Variants in PEX14 observed in about 807,000 individuals in gnomAD.
PEX14 encodes peroxisomal biogenesis factor 14.
PEX14 carries 15 observed loss-of-function variants against 49.5 expected under a neutral mutation model. The ratio of observed to expected loss-of-function variants is 0.30; its 90% CI spans 0.20 to 0.47. PEX14 has a LOEUF of 0.47. Among genes scored for constraint, PEX14 ranks in the 20% least tolerant of loss-of-function variants. PEX14 has a pLI of 1.00. For synonymous variants in PEX14, 210 were observed against 212.7 expected (o/e 0.99, Z 0.11); for missense variants, 398 against 494.8 (o/e 0.80, Z 1.86).
chr1:10,537,753 C>T (rs779277582), intron 3 of PEX14, among the ~76,000 whole-genome samples: 1 of 151,978 alleles, frequency 6.6e-6, no homozygotes, highest in South Asian at 2.1e-4. Flanking sequence ...GGTGTTTGCT[C>T]GGCACTTCCC....
chr1:10,482,014 G>A (rs545015754), intron 1 of PEX14, among the ~76,000 whole-genome samples: 149 of 150,880 alleles, frequency 9.9e-4, no homozygotes, highest in African/African-American at 3.5e-3. Context: ...TTGTAGAGAC[G>A]GGGTTTTGCC....
At chr1:10,508,668 A>AT (rs1641831815) in intron 2 of PEX14, among the ~76,000 whole-genome samples, 2 of 152,180 alleles carry the variant, frequency 1.3e-5, no homozygotes, top group African/African-American at 2.4e-5. Context: ...CCAGGAGGAG[A>AT]AAGGCTGGTT....
chr1:10,502,804 T>C (rs1037769182), intron 2 of PEX14, among the ~76,000 whole-genome samples: 3 of 150,800 alleles, frequency 2.0e-5, no homozygotes, highest in Non-Finnish European at 3.0e-5. Flanking sequence ...TTCTTTTTTT[T>C]TTTTTTTTTA....
chr1:10,570,634 G>GT (rs1280341761), intron 3 of PEX14, among the ~76,000 whole-genome samples: 1 of 151,974 alleles, frequency 6.6e-6, no homozygotes, highest in East Asian at 1.9e-4. Context: ...ACCTGGCTCT[G>GT]TTTTTTCATT....
intron 3 of PEX14, among the ~76,000 whole-genome samples, chr1:10,562,946 C>T (rs1485783627): frequency 6.9e-6 from 1 of 144,248 alleles, no homozygotes; most frequent in Non-Finnish European, 1.5e-5. Flanking sequence ...GAGTCTCTCT[C>T]TGTCGCCCAG....
At chr1:10,622,954 T>G in intron 5 of PEX14, 65 bp from the exon 6 acceptor site, 17 of 1,142,202 alleles carry the variant, frequency 1.5e-5, no homozygotes, top group Non-Finnish European at 2.0e-5. Flanking sequence ...CGGCAGAATT[T>G]GAGAGATTGT....
chr1:10,504,374 G>T (rs1159025918), intron 2 of PEX14, among the ~76,000 whole-genome samples: 1 of 152,230 alleles, frequency 6.6e-6, no homozygotes, highest in Non-Finnish European at 1.5e-5. Flanking sequence ...CTCCTTGACA[G>T]TCAGAGGCAG....
At chr1:10,536,593 TC>T (rs991646616) in intron 3 of PEX14, 1 of 406,424 alleles carries the variant, frequency 2.5e-6, no homozygotes, top group African/African-American at 2.0e-5. Context: ...GTGGAGGACT[TC>T]TGGTTTTTGG....
chr1:10,510,213 G>A (rs1353280345), intron 2 of PEX14, among the ~76,000 whole-genome samples: 2 of 152,220 alleles, frequency 1.3e-5, no homozygotes, highest in Non-Finnish European at 2.9e-5. Context: ...ATCCCTACAC[G>A]TGCTGCTGGT....
intron 3 of PEX14, among the ~76,000 whole-genome samples, chr1:10,544,709 C>A (rs1639116718): frequency 6.6e-6 from 1 of 152,066 alleles, no homozygotes; most frequent in Admixed American, 6.6e-5. Context: ...ACCCCCATAT[C>A]CTGGTTTGCA....
At chr1:10,614,125 G>C (rs1641346548) in intron 4 of PEX14, among the ~76,000 whole-genome samples, 1 of 152,306 alleles carries the variant, frequency 6.6e-6, no homozygotes, top group South Asian at 2.1e-4. Flanking sequence ...GAGCTAGTGT[G>C]GACTGTGCTA....
chr1:10,493,919 C>A (rs962497983), intron 1 of PEX14, among the ~76,000 whole-genome samples: 1 of 152,136 alleles, frequency 6.6e-6, no homozygotes, highest in Non-Finnish European at 1.5e-5. Flanking sequence ...CAGCTTAACT[C>A]CAAGAAGAGG....
intron 2 of PEX14, among the ~76,000 whole-genome samples, chr1:10,521,850 T>C (rs1032700789): frequency 5.3e-5 from 8 of 152,220 alleles, no homozygotes; most frequent in Non-Finnish European, 1.0e-4. Context: ...TCTAGGTAAT[T>C]CCTGGGAAAG....
At chr1:10,500,207 A>G (rs1641647709) in intron 2 of PEX14, among the ~76,000 whole-genome samples, 1 of 151,352 alleles carries the variant, frequency 6.6e-6, no homozygotes, top group South Asian at 2.1e-4. Context: ...GTTCGAGACT[A>G]GCCTGGCTAA....
intron 2 of PEX14, among the ~76,000 whole-genome samples, chr1:10,525,731 T>C (rs1007518582): frequency 6.6e-6 from 1 of 151,998 alleles, no homozygotes; most frequent in Non-Finnish European, 1.5e-5. Flanking sequence ...GTTCAAGCGA[T>C]TCTCTCATTT....
chr1:10,516,589 T>C (rs1472093914), intron 2 of PEX14, among the ~76,000 whole-genome samples: 1 of 152,248 alleles, frequency 6.6e-6, no homozygotes, highest in South Asian at 2.1e-4. Flanking sequence ...TCTGTGACTT[T>C]GTTTGCAACC....
chr1:10,515,739 T>A (rs997615751), intron 2 of PEX14, among the ~76,000 whole-genome samples: 12 of 152,202 alleles, frequency 7.9e-5, no homozygotes, highest in Non-Finnish European at 1.5e-5. Context: ...CGGCTCTGGC[T>A]GCTTGTCTGC....
chr1:10,567,592 T>A (rs1318246455), intron 3 of PEX14, among the ~76,000 whole-genome samples: 2 of 152,174 alleles, frequency 1.3e-5, no homozygotes, highest in Non-Finnish European at 2.9e-5. Context: ...CTCAGGAGAC[T>A]GAAGTGGTTC....
chr1:10,523,825 T>TAAAAAAAAA (rs59324356), intron 2 of PEX14, among the ~76,000 whole-genome samples: 1 of 132,370 alleles, frequency 7.6e-6, no homozygotes, highest in Non-Finnish European at 1.6e-5. Context: ...TCCTTTTAGT[T>TAAAAAAAAA]AAAAAAAAAA....
Sources: gnomAD v4.1 joint callset for allele counts (sites outside exome capture counted in the v4.1 genomes callset) on GRCh38, gnomAD v4.1.1 for gene constraint, MANE v1.5 for transcripts, NCBI Gene and HGNC (gene_info 2026-07-23, HGNC 2026-07-21) for gene names.